KLHDC4: variants seen among roughly 807,000 people sequenced by gnomAD.
KLHDC4 encodes kelch domain containing 4, also known as kelch domain-containing protein 4.
A neutral mutation model predicts 62.4 loss-of-function variants in KLHDC4; 90 were observed. That is an observed-to-expected ratio of 1.44 (90% CI 1.22 to 1.72). The LOEUF (loss-of-function observed/expected upper bound fraction) is 1.72, where lower values mean the gene tolerates loss of function less well. Among genes scored for constraint, KLHDC4 ranks in the 40% most tolerant of loss-of-function variants. KLHDC4 has a pLI of 0.00. For synonymous variants in KLHDC4, 386 were observed against 284.4 expected, an observed-to-expected ratio of 1.36 and a Z score of -3.59; for missense variants, 1,025 against 699.7, an observed-to-expected ratio of 1.47 and a Z score of -5.25.
intron 2 of KLHDC4, among the ~76,000 whole-genome samples, chr16:87,758,640 C>T (rs1432875851): frequency 2.6e-5 from 4 of 151,976 alleles, no homozygotes; most frequent in Non-Finnish European, 4.4e-5. Context: ...TCTCGGGCCA[C>T]GCATAAAATA....
chr16:87,734,479 G>A lies in KLHDC4; in HGVS notation c.507-3835C>T, dbSNP rs114341438. Among the ~76,000 whole-genome samples the A allele has an allele frequency of 4.8e-3, 732 of 152,292 alleles. 3 individuals carry two copies. The highest frequency in any genetic ancestry group is 0.017 in the African/African-American group (700 of 41,566). On this transcript the variant is annotated intron_variant, in intron 5 of 11. Coordinates refer to ENST00000270583, the MANE Select transcript of KLHDC4 (RefSeq NM_017566.4). ...GGGTGACTGCCAGGAGTCTTCGCTT[G>A]CTCCAAGCTGGAGCGAATTCGGTTC... is the stretch of plus-strand genomic sequence containing the variant.
chr16:87,709,592 C>T lies in KLHDC4; in HGVS notation c.1120G>A (p.Gly374Arg), dbSNP rs150189132. Reference protein sequence around the residue: ...EPEGGSRPACGGAGTQGPVQL... With the variant: ...EPEGGSRPACRGAGTQGPVQL... ...ACAGGCCCCTGGGTGCCAGCTCCCC[C>T]ACACGCCGGCCTGCTACCACCTTCG... Residue 374 changes from glycine (G) to arginine (R), a missense_variant, in exon 10 of 12, where the codon GGG (glycine) becomes AGG (arginine). Coordinates refer to ENST00000270583, the MANE Select transcript of KLHDC4 (RefSeq NM_017566.4). 28 of 1,612,650 alleles carry T rather than the reference C, an allele frequency of 1.7e-5. No individual in the cohort carries two copies. The African/African-American group carries it at 3.2e-4, about 18-fold the overall frequency.
intron 4 of KLHDC4, among the ~76,000 whole-genome samples, chr16:87,749,843 A>G (rs1296864742): frequency 6.6e-6 from 1 of 152,124 alleles, no homozygotes; most frequent in Non-Finnish European, 1.5e-5. Flanking sequence ...CCCAAAGCAC[A>G]CTGGGATTAC....
At chr16:87,712,636 G>C (rs1294220511) in intron 8 of KLHDC4, among the ~76,000 whole-genome samples, 1 of 152,392 alleles carries the variant, frequency 6.6e-6, no homozygotes, top group South Asian at 2.1e-4. Context: ...TGTCCTATCA[G>C]CCAGGGTGCA....
intron 7 of KLHDC4, among the ~76,000 whole-genome samples, chr16:87,723,442 G>A (rs982091148): frequency 8.5e-5 from 13 of 152,254 alleles, no homozygotes; most frequent in African/African-American, 1.7e-4. Context: ...CAGCTTAGCC[G>A]GTCTGGCTGT....
chr16:87,758,885 G>A (rs75606375), intron 2 of KLHDC4, among the ~76,000 whole-genome samples: 2 of 138,052 alleles, frequency 1.4e-5, no homozygotes, highest in African/African-American at 5.8e-5. Context: ...GATTAAAATG[G>A]CAAATTTTGG....
rs1433822742 is a variant in KLHDC4 at position 87,762,017 on chromosome 16, G to C, written c.123C>G (p.Ala41=). ...KEEEDLEALI[A]HFQTLDAKRT... ...TCTTGGCATCGAGTGTCTGGAAATG[G>C]GCTATGAGCGCTTCCAGGTCTTCCT... Residue 41 remains alanine, a synonymous_variant, in exon 2 of 12, where the codon GCC becomes GCG. Transcript: ENST00000270583. 2 of 1,613,802 alleles carry C rather than the reference G, an allele frequency of 1.2e-6. No individual in the cohort carries two copies. The highest frequency in any genetic ancestry group is 8.5e-7 in the Non-Finnish European group (1 of 1,179,888).
chr16:87,758,822 C>T (rs1429961697), intron 2 of KLHDC4, among the ~76,000 whole-genome samples: 1 of 152,222 alleles, frequency 6.6e-6, no homozygotes, highest in Non-Finnish European at 1.5e-5. Context: ...CTGGTTAGTG[C>T]TAATGGTTGC....
downstream of KLHDC4, among the ~76,000 whole-genome samples, chr16:87,704,900 TCACA>T (rs1301404802): frequency 2.0e-5 from 3 of 152,104 alleles, no homozygotes; most frequent in Admixed American, 6.5e-5. Flanking sequence ...CAATTCATCC[TCACA>T]CAGAGCATGG....
At chr16:87,745,395 T>A (rs997597698) in intron 5 of KLHDC4, among the ~76,000 whole-genome samples, 5 of 152,220 alleles carry the variant, frequency 3.3e-5, no homozygotes, top group African/African-American at 1.2e-4. Context: ...CTGCCCCGCC[T>A]TCTGCTCTGC....
intron 5 of KLHDC4, among the ~76,000 whole-genome samples, chr16:87,744,886 C>T (rs557473302): frequency 2.0e-5 from 3 of 152,322 alleles, no homozygotes; most frequent in East Asian, 1.9e-4. Flanking sequence ...AGCACACACA[C>T]GCTCACACGC....
chr16:87,707,176 G>A (rs948384898), downstream of KLHDC4, among the ~76,000 whole-genome samples: 1 of 152,342 alleles, frequency 6.6e-6, no homozygotes, highest in Middle Eastern at 3.4e-3. Context: ...TCTTGGACTG[G>A]AGCAGGCCTA....
intron 4 of KLHDC4, among the ~76,000 whole-genome samples, chr16:87,753,738 T>C (rs1375346957): frequency 1.3e-5 from 2 of 149,896 alleles, no homozygotes; most frequent in Non-Finnish European, 3.0e-5. Flanking sequence ...GAAGCGGAGG[T>C]TGCAGTGAGC....
intron 8 of KLHDC4, among the ~76,000 whole-genome samples, chr16:87,712,275 A>G (rs1303084859): frequency 6.6e-6 from 1 of 151,430 alleles, no homozygotes; most frequent in Non-Finnish European, 1.5e-5. Flanking sequence ...TCCAATGAAC[A>G]TTTAAAAAAA....
At chr16:87,739,858 G>A (rs969419896) in intron 5 of KLHDC4, 4 of 152,242 alleles carry the variant, frequency 2.6e-5, no homozygotes, top group East Asian at 3.9e-4. Flanking sequence ...CTAAAAAGAC[G>A]GTTTTTCTTT....
rs779532776 is a variant in KLHDC4 at position 87,749,893 on chromosome 16, A to T, written c.370-1084T>A. On this transcript the variant is annotated intron_variant, in intron 4 of 11. Transcript: ENST00000270583. ...ACACCCAGCCTTACGTGACATTATG[A>T]ATGATTAATAAAGACTCAGCACCAC... Among the ~76,000 whole-genome samples the T allele has an allele frequency of 1.2e-4, 19 of 152,162 alleles. 1 individual carries two copies. Among genetic ancestry groups the T allele is most frequent in the Non-Finnish European group, 2.5e-4 (17 of 68,030 alleles).
intron 7 of KLHDC4, among the ~76,000 whole-genome samples, chr16:87,725,183 G>A (rs2039126386): frequency 6.6e-6 from 1 of 152,162 alleles, no homozygotes; most frequent in East Asian, 1.9e-4. Context: ...AGGGGAGGGT[G>A]GGCAGCGGGG....
chr16:87,711,262 C>A lies in KLHDC4; in HGVS notation c.1017G>T (p.Arg339Ser), dbSNP rs868702622. 1 of 1,614,156 alleles carries A rather than the reference C, an allele frequency of 6.2e-7. No homozygotes were observed. The highest frequency in any genetic ancestry group is 1.6e-4 in the Middle Eastern group (1 of 6,062). ...TCAGCTGTCCCTCAAACCAACGGTT[C>A]CTGGTGGCGTCGTAGAAGTACAGAT... ...FNDLYFYDAT[R>S]NRWFEGQLKG... Residue 339 changes from arginine to serine, a missense_variant, in exon 9 of 12, where the codon AGG becomes AGT. Transcript: ENST00000270583.
At chr16:87,721,753 C>T (rs2038399106) in intron 7 of KLHDC4, among the ~76,000 whole-genome samples, 1 of 152,240 alleles carries the variant, frequency 6.6e-6, no homozygotes, top group Non-Finnish European at 1.5e-5. Context: ...CTCGCGGTAA[C>T]AGTGGGGCGT....
Sources: gnomAD v4.1 joint callset for allele counts (sites outside exome capture counted in the v4.1 genomes callset) on GRCh38, gnomAD v4.1.1 for gene constraint, MANE v1.5 for transcripts, NCBI Gene and HGNC (gene_info 2026-07-23, HGNC 2026-07-21) for gene names.